The following EPHA5 variants were observed in gnomAD, a reference collection of about 807,000 sequenced individuals.
EPHA5 encodes the protein ephrin type-A receptor 5.
Under a neutral mutation model 105.0 loss-of-function variants are expected in EPHA5, and 60 were observed. The observed-to-expected ratio is 0.57, with a 90% confidence interval of 0.46 to 0.71. The LOEUF is 0.71. EPHA5 is among the 30% of genes least tolerant of loss of function. The pLI is 0.00. For missense variants in EPHA5, 1,218 were observed against 1,274.7 expected (o/e 0.96, Z 0.68); for synonymous variants, 513 against 449.1 (o/e 1.14, Z -1.80).
In EPHA5 at chr4:65,660,935, C is replaced by T. The variant is rs1749505404; in HGVS notation, c.181+8627G>A. Among the ~76,000 whole-genome samples the T allele has an allele frequency of 2.6e-5, 4 of 151,964 alleles. No homozygotes were observed. The South Asian group carries it at 8.3e-4, about 32-fold the overall frequency. On this transcript the variant is annotated intron_variant, in intron 1 of 16. Coordinates refer to ENST00000613740, the MANE Select transcript of EPHA5 (RefSeq NM_001281766.3). ...CATAATCTTTTATTCTTACCCTTAC[C>T]CAGCAAACAAAGAGTAACACACAGA...
At chr4:65,416,846 C>A (rs1037326987) in intron 6 of EPHA5, among the ~76,000 whole-genome samples, 1 of 152,146 alleles carries the variant, frequency 6.6e-6, no homozygotes, top group Non-Finnish European at 1.5e-5. Context: ...ATCATCTAAG[C>A]GTCTTCCAAA....
intron 4 of EPHA5, among the ~76,000 whole-genome samples, chr4:65,493,197 T>A (rs1198198390): frequency 6.6e-6 from 1 of 152,066 alleles, no homozygotes; most frequent in East Asian, 1.9e-4. Context: ...AAGCTCGAAC[T>A]AACACGCACC....
intron 2 of EPHA5, among the ~76,000 whole-genome samples, chr4:65,602,753 G>A (rs547318821): frequency 9.2e-5 from 14 of 152,050 alleles, no homozygotes; most frequent in East Asian, 3.9e-4. Context: ...TAAAAGGATC[G>A]CAAATTTGAA....
intron 11 of EPHA5, among the ~76,000 whole-genome samples, chr4:65,363,640 C>G (rs550142529): frequency 1.4e-4 from 21 of 151,586 alleles, no homozygotes; most frequent in Non-Finnish European, 2.8e-4. Flanking sequence ...CAGAAATTAT[C>G]AAATATTTGC....
chr4:65,437,312 C>G (rs1452630242), intron 5 of EPHA5, among the ~76,000 whole-genome samples: 1 of 151,976 alleles, frequency 6.6e-6, no homozygotes, highest in East Asian at 1.9e-4. Flanking sequence ...GAGCCTATTT[C>G]TTATTGTACT....
chr4:65,328,718 T>C (rs1577818052), intron 16 of EPHA5, among the ~76,000 whole-genome samples: 1 of 151,294 alleles, frequency 6.6e-6, no homozygotes, highest in South Asian at 2.1e-4. Context: ...ATAAATGTAT[T>C]ACTTTTGGCA....
intron 3 of EPHA5, among the ~76,000 whole-genome samples, chr4:65,515,752 A>G (rs1011076639): frequency 6.6e-6 from 1 of 152,134 alleles, no homozygotes; most frequent in Non-Finnish European, 1.5e-5. Context: ...CTGGTAAAAC[A>G]TTACTTATGA....
chr4:65,503,617 A>G (rs1250995558), intron 3 of EPHA5, among the ~76,000 whole-genome samples: 2 of 151,710 alleles, frequency 1.3e-5, no homozygotes, highest in Non-Finnish European at 2.9e-5. Context: ...CAAAGATAAT[A>G]TAATATTTAT....
intron 3 of EPHA5, among the ~76,000 whole-genome samples, chr4:65,505,927 G>A (rs1732969278): frequency 6.6e-6 from 1 of 152,036 alleles, no homozygotes; most frequent in Non-Finnish European, 1.5e-5. Flanking sequence ...GTATACATGT[G>A]CCATGTTGGT....
At chr4:65,362,701 T>C (rs1372685463) in intron 11 of EPHA5, among the ~76,000 whole-genome samples, 1 of 151,654 alleles carries the variant, frequency 6.6e-6, no homozygotes, top group Non-Finnish European at 1.5e-5. Flanking sequence ...AAAATGCATA[T>C]ACAATATATG....
At chr4:65,381,498 T>G (rs1355402699) in intron 8 of EPHA5, among the ~76,000 whole-genome samples, 2 of 151,826 alleles carry the variant, frequency 1.3e-5, no homozygotes, top group African/African-American at 4.8e-5. Flanking sequence ...TGATACTTAT[T>G]GCAATATATT....
At chr4:65,389,515 A>C (rs1720490475) in intron 8 of EPHA5, among the ~76,000 whole-genome samples, 1 of 152,072 alleles carries the variant, frequency 6.6e-6, no homozygotes, top group Non-Finnish European at 1.5e-5. Flanking sequence ...AAATGTATTA[A>C]ACAATTGAAT....
Position 65,331,977 on chromosome 4 carries a change from A to G in EPHA5, c.2941T>C (p.Leu981=), listed in dbSNP as rs2148797926. Reference sequence around the variant, plus strand: ...ATTATCAGAAAAATTACTCACTCCAAGGTCACCTGAGCCACAGCGTCCATT... The same window carrying G: ...ATTATCAGAAAAATTACTCACTCCAGGGTCACCTGAGCCACAGCGTCCATT... ...SSMDAVAQVT[L]EDLRRLGVTL... The change falls in exon 16 of 17, where the codon TTG becomes CTG. Residue 981 remains leucine (L), a synonymous_variant. Coordinates refer to ENST00000613740, the MANE Select transcript of EPHA5 (RefSeq NM_001281766.3). 1.3e-6 allele frequency: 2 copies of G among 1,595,978 alleles called. No homozygotes were observed. The highest frequency in any genetic ancestry group is 1.7e-6 in the Non-Finnish European group (2 of 1,173,872).
intron 3 of EPHA5, among the ~76,000 whole-genome samples, chr4:65,496,780 A>C (rs1731987520): frequency 6.6e-6 from 1 of 152,088 alleles, no homozygotes; most frequent in Admixed American, 6.6e-5. Flanking sequence ...TCAGTTTTGC[A>C]CTTACTTTTT....
chr4:65,616,452 C>CAG (rs776118744), intron 2 of EPHA5, among the ~76,000 whole-genome samples: 47 of 147,134 alleles, frequency 3.2e-4, no homozygotes, highest in Middle Eastern at 3.5e-3. Context: ...CACACACACA[C>CAG]ACAGAGAGAG....
chr4:65,552,238 A>G (rs1737989142), intron 3 of EPHA5, among the ~76,000 whole-genome samples: 1 of 152,214 alleles, frequency 6.6e-6, no homozygotes, highest in African/African-American at 2.4e-5. Flanking sequence ...CTTTGAACCA[A>G]CTGCCATGGA....
intron 2 of EPHA5, among the ~76,000 whole-genome samples, chr4:65,641,556 A>G (rs553475905): frequency 6.6e-6 from 1 of 152,300 alleles, no homozygotes; most frequent in South Asian, 2.1e-4. Flanking sequence ...TTTTACTATC[A>G]TTGTATATAC....
intron 3 of EPHA5, among the ~76,000 whole-genome samples, chr4:65,574,709 CAT>C (rs1203901938): frequency 0.12 from 7,931 of 66,188 alleles, 692 homozygotes; most frequent in East Asian, 0.15. Context: ...CATATATATA[CAT>C]ATATATATAC....
Position 65,321,375 on chromosome 4 carries a change from A to G in EPHA5, c.*2739T>C, listed in dbSNP as rs1560406084. On this transcript the variant is annotated 3_prime_UTR_variant, in exon 17 of 17. Coordinates refer to ENST00000613740, the MANE Select transcript of EPHA5 (RefSeq NM_001281766.3). ...GATTATGGCCTCACTACATTTTACT[A>G]GAGTTGGCTCCTCTCCTTGTTCCAT... is the stretch of plus-strand genomic sequence containing the variant. 2.2e-5 allele frequency: 5 copies of G among 230,410 alleles called. No individual in the cohort carries two copies. Among genetic ancestry groups the G allele is most frequent in the South Asian group, 3.6e-4 (2 of 5,516 alleles). The allele number at this position is 230,410 out of a possible 1,614,324, so 14.3% of individuals were successfully genotyped here. A position where few individuals can be genotyped will look rare whatever the true frequency, so the allele number is the denominator to read the frequency against.
Sources: gnomAD v4.1 joint callset for allele counts (sites outside exome capture counted in the v4.1 genomes callset) on GRCh38, gnomAD v4.1.1 for gene constraint, MANE v1.5 for transcripts, NCBI Gene and HGNC (gene_info 2026-07-23, HGNC 2026-07-21) for gene names.